The following GRIK2 variants were observed in gnomAD, a reference collection of about 807,000 sequenced individuals.
GRIK2 encodes the protein glutamate ionotropic receptor kainate type subunit 2.
A neutral mutation model predicts 100.3 loss-of-function variants in GRIK2; 32 were observed. The ratio of observed to expected loss-of-function variants is 0.32; its 90% CI spans 0.24 to 0.43. The LOEUF (loss-of-function observed/expected upper bound fraction) is 0.43. Among genes scored for constraint, GRIK2 ranks in the 20% least tolerant of loss-of-function variants. The pLI is 1.00. For missense variants in GRIK2, 843 were observed against 1,114.9 expected (o/e 0.76, Z 3.47); for synonymous variants, 417 against 389.4 (o/e 1.07, Z -0.83).
intron 7 of GRIK2, among the ~76,000 whole-genome samples, chr6:101,740,420 T>C (rs571807114): frequency 1.3e-3 from 195 of 150,304 alleles, no homozygotes; most frequent in African/African-American, 4.6e-3. Context: ...AACAGCAATT[T>C]TTAAAAGGAA....
chr6:101,679,174 A>C (rs1771061591), intron 5 of GRIK2, among the ~76,000 whole-genome samples: 1 of 152,180 alleles, frequency 6.6e-6, no homozygotes, highest in African/African-American at 2.4e-5. Flanking sequence ...TTTAGCCTGG[A>C]AAAAATGTAA....
chr6:101,942,323 A>G (rs1791006941), intron 14 of GRIK2, among the ~76,000 whole-genome samples: 1 of 152,166 alleles, frequency 6.6e-6, no homozygotes, highest in Non-Finnish European at 1.5e-5. Flanking sequence ...ACAGACTAAT[A>G]TAGAAATTGG....
chr6:101,666,113 T>G (rs2105118), intron 4 of GRIK2, among the ~76,000 whole-genome samples: 39,562 of 152,030 alleles, frequency 0.26, 5,582 homozygotes, highest in East Asian at 0.54. Context: ...TACTCTCAAG[T>G]TTGATAATTT....
intron 14 of GRIK2, among the ~76,000 whole-genome samples, chr6:101,980,702 A>T (rs1793660607): frequency 6.6e-6 from 1 of 151,816 alleles, no homozygotes; most frequent in East Asian, 1.9e-4. Context: ...ATCTAATAAG[A>T]TCTTTTCAAG....
intron 2 of GRIK2, among the ~76,000 whole-genome samples, chr6:101,516,880 A>G (rs1161839929): frequency 7.7e-6 from 1 of 129,112 alleles, no homozygotes; most frequent in East Asian, 2.2e-4. Flanking sequence ...TCTTTTTACT[A>G]TGTTGGAAAA....
Position 101,983,304 on chromosome 6 carries a change from T to C in GRIK2, c.2086-52037T>C, listed in dbSNP as rs1203759556. 3.8e-4 allele frequency among the ~76,000 whole-genome samples: 58 copies of C among 151,834 alleles called. No individual in the cohort carries two copies. The Admixed American group carries it at 3.8e-3, about 10-fold the overall frequency. On this transcript the variant is annotated intron_variant, in intron 14 of 16. Coordinates refer to ENST00000369134, the MANE Select transcript of GRIK2 (RefSeq NM_021956.5). The stretch of plus-strand genomic sequence containing the variant: ...AAATGAAGTTAGTTAGAGAAAATGA[T>C]GGTTGTTTTTGCATGTTAGTTTAAG...
intron 2 of GRIK2, among the ~76,000 whole-genome samples, chr6:101,422,931 T>C (rs1010845202): frequency 1.3e-5 from 2 of 152,202 alleles, no homozygotes; most frequent in African/African-American, 2.4e-5. Context: ...ATGGCTCTTA[T>C]GGGAATTCAT....
chr6:101,821,155 A>T (rs1583210140), intron 10 of GRIK2, among the ~76,000 whole-genome samples: 1 of 152,184 alleles, frequency 6.6e-6, no homozygotes, highest in South Asian at 2.1e-4. Flanking sequence ...GCAGGTTATT[A>T]AAATTATCTA....
At chr6:102,045,207 G>A (rs1438482059) in intron 15 of GRIK2, among the ~76,000 whole-genome samples, 3 of 151,920 alleles carry the variant, frequency 2.0e-5, no homozygotes, top group Admixed American at 2.0e-4. Context: ...ATAAAATTTA[G>A]CAAGTTTTTA....
At chr6:101,600,426 GT>G (rs1292864245) in intron 2 of GRIK2, among the ~76,000 whole-genome samples, 1 of 151,562 alleles carries the variant, frequency 6.6e-6, no homozygotes, top group Non-Finnish European at 1.5e-5. Flanking sequence ...TTTTCTTCTA[GT>G]TTTGTAAAAA....
intron 7 of GRIK2, among the ~76,000 whole-genome samples, chr6:101,770,370 G>A (rs1487693177): frequency 6.6e-6 from 1 of 152,126 alleles, no homozygotes; most frequent in Non-Finnish European, 1.5e-5. Flanking sequence ...AGCAGGTGAA[G>A]GTTATCAAAC....
intron 2 of GRIK2, among the ~76,000 whole-genome samples, chr6:101,427,123 GC>G (rs1314882781): frequency 1.3e-5 from 2 of 152,152 alleles, no homozygotes; most frequent in African/African-American, 2.4e-5. Context: ...GAAGGTTGGG[GC>G]AGAAGCCAAT....
At chr6:101,411,483 G>A (rs908064507) in intron 2 of GRIK2, among the ~76,000 whole-genome samples, 2 of 152,022 alleles carry the variant, frequency 1.3e-5, no homozygotes, top group African/African-American at 2.4e-5. Context: ...GTGGTTCTTA[G>A]TCCCTTTATT....
Position 101,569,009 on chromosome 6 carries a change from C to G in GRIK2, c.116-52940C>G, listed in dbSNP as rs372663071. 5.3e-5 allele frequency among the ~76,000 whole-genome samples: 8 copies of G among 152,014 alleles called. No individual in the cohort carries two copies. The East Asian group carries it at 7.8e-4, about 15-fold the overall frequency. Reference sequence around the variant, plus strand: ...AGGAGGCAATTACAAAGACAAGGACCCTCCATGAAAAAGTCTTGCTTTGAG... The same window carrying G: ...AGGAGGCAATTACAAAGACAAGGACGCTCCATGAAAAAGTCTTGCTTTGAG... On this transcript the variant is annotated intron_variant, in intron 2 of 16. Transcript: ENST00000369134.
chr6:101,664,442 G>C (rs1421794979), intron 4 of GRIK2, among the ~76,000 whole-genome samples: 1 of 152,162 alleles, frequency 6.6e-6, no homozygotes, highest in East Asian at 1.9e-4. Context: ...AATAAGCAAA[G>C]AGATAGAATT....
chr6:101,902,682 T>G (rs1562476326), intron 12 of GRIK2, among the ~76,000 whole-genome samples: 2 of 151,940 alleles, frequency 1.3e-5, no homozygotes. Flanking sequence ...TTACAAAAAT[T>G]TAACTATTTA....
At chr6:101,399,807 CTCT>C (rs372663653) in intron 2 of GRIK2, among the ~76,000 whole-genome samples, 48 of 152,352 alleles carry the variant, frequency 3.2e-4, no homozygotes, top group African/African-American at 1.0e-3. Context: ...CACCTGGTAA[CTCT>C]TTGGCGAGTT....
At chr6:101,674,440 A>C (rs1184982018) in intron 4 of GRIK2, among the ~76,000 whole-genome samples, 1 of 152,224 alleles carries the variant, frequency 6.6e-6, no homozygotes, top group Non-Finnish European at 1.5e-5. Flanking sequence ...ATGTACTCTA[A>C]TTTAGTAGCA....
chr6:101,514,946 AC>A (rs1562193795), intron 2 of GRIK2, among the ~76,000 whole-genome samples: 1 of 152,126 alleles, frequency 6.6e-6, no homozygotes, highest in Admixed American at 6.6e-5. Context: ...GTACTTGGTT[AC>A]ATGAGTAAGT....
Sources: allele counts gnomAD v4.1 joint callset (sites outside exome capture counted in the v4.1 genomes callset), GRCh38; gene constraint gnomAD v4.1.1; transcripts MANE v1.5; gene names NCBI Gene and HGNC (gene_info 2026-07-23, HGNC 2026-07-21).